PHACTR1: variants seen among roughly 807,000 people sequenced by gnomAD.
The protein encoded by PHACTR1 is phosphatase and actin regulator 1, also known as RPEL repeat containing 1.
A neutral mutation model predicts 69.2 loss-of-function variants in PHACTR1; 16 were observed. The observed-to-expected ratio is 0.23, with a 90% CI of 0.16 to 0.35. The LOEUF is 0.35. Among genes scored for constraint, PHACTR1 ranks in the 10% least tolerant of loss-of-function variants. The pLI is 1.00. For missense variants in PHACTR1, 510 were observed against 734.7 expected, an observed-to-expected ratio of 0.69 and a Z score of 3.54; for synonymous variants, 312 against 284.5, an observed-to-expected ratio of 1.10 and a Z score of -0.97.
chr6:13,059,484 ACACACACAC>A (rs1240023016), intron 5 of PHACTR1, among the ~76,000 whole-genome samples: 1 of 151,736 alleles, frequency 6.6e-6, no homozygotes, highest in Non-Finnish European at 1.5e-5. Context: ...ACACACACAC[ACACACACAC>A]AAAACCCACA....
intron 4 of PHACTR1, among the ~76,000 whole-genome samples, chr6:12,978,663 G>A (rs113224758): frequency 2.6e-5 from 4 of 152,192 alleles, no homozygotes; most frequent in African/African-American, 7.2e-5. Flanking sequence ...CAATAGTCAC[G>A]TATGTCTTAT....
At chr6:13,208,636 C>CCCCA (rs1042038842) in intron 8 of PHACTR1, among the ~76,000 whole-genome samples, 11 of 151,096 alleles carry the variant, frequency 7.3e-5, no homozygotes, top group East Asian at 1.9e-4. Context: ...TGCCCACCCC[C>CCCCA]CCAACCCCAT....
intron 3 of PHACTR1, among the ~76,000 whole-genome samples, chr6:12,719,880 T>C (rs1761884299): frequency 6.6e-6 from 1 of 152,160 alleles, no homozygotes; most frequent in Non-Finnish European, 1.5e-5. Flanking sequence ...TGCTTTCATT[T>C]CTCAGAGCAT....
At chr6:12,935,097 C>G (rs1789292597) in intron 4 of PHACTR1, among the ~76,000 whole-genome samples, 1 of 152,072 alleles carries the variant, frequency 6.6e-6, no homozygotes, top group Non-Finnish European at 1.5e-5. Flanking sequence ...CTGTGGGGGG[C>G]CATAGCAAAG....
chr6:12,802,353 T>C (rs1048192865), intron 4 of PHACTR1, among the ~76,000 whole-genome samples: 4 of 151,990 alleles, frequency 2.6e-5, no homozygotes, highest in Non-Finnish European at 5.9e-5. Flanking sequence ...AAAGGAACAG[T>C]CTTAGGAACA....
At chr6:12,912,339 C>A (rs991200287) in intron 4 of PHACTR1, among the ~76,000 whole-genome samples, 1 of 152,124 alleles carries the variant, frequency 6.6e-6, no homozygotes, top group African/African-American at 2.4e-5. Context: ...AAGGGTAGGC[C>A]CCCAGGGGAC....
chr6:13,077,039 T>TA (rs1810598285), intron 5 of PHACTR1, among the ~76,000 whole-genome samples: 1 of 150,434 alleles, frequency 6.6e-6, no homozygotes, highest in Non-Finnish European at 1.5e-5. Flanking sequence ...CATGTATACA[T>TA]ATGTAACTAA....
chr6:12,877,333 C>A (rs1469120031), intron 4 of PHACTR1, among the ~76,000 whole-genome samples: 2 of 152,166 alleles, frequency 1.3e-5, no homozygotes, highest in South Asian at 2.1e-4. Context: ...CCATTGCCTT[C>A]TGAAGGTCAG....
chr6:13,255,483 T>C (rs1775052683), intron 10 of PHACTR1, among the ~76,000 whole-genome samples: 2 of 152,206 alleles, frequency 1.3e-5, no homozygotes, highest in Non-Finnish European at 2.9e-5. Context: ...TCTTCACTCA[T>C]TCCAACATTA....
chr6:12,990,901 CATCT>C (rs1796750256), intron 4 of PHACTR1, among the ~76,000 whole-genome samples: 1 of 152,122 alleles, frequency 6.6e-6, no homozygotes, highest in Admixed American at 6.5e-5. Context: ...AGTTAAGCCA[CATCT>C]ATCTATAGTC....
chr6:13,109,907 G>C (rs1246225616), intron 5 of PHACTR1, among the ~76,000 whole-genome samples: 1 of 151,142 alleles, frequency 6.6e-6, no homozygotes, highest in Non-Finnish European at 1.5e-5. Flanking sequence ...GTGTCTTCAA[G>C]TTCGCTGATC....
intron 4 of PHACTR1, among the ~76,000 whole-genome samples, chr6:13,039,995 A>G (rs534186704): frequency 6.6e-6 from 1 of 152,298 alleles, no homozygotes; most frequent in South Asian, 2.1e-4. Context: ...ATTATCTTTC[A>G]TTATATACAT....
intron 4 of PHACTR1, among the ~76,000 whole-genome samples, chr6:13,052,762 A>G (rs1806147249): frequency 6.6e-6 from 1 of 152,190 alleles, no homozygotes; most frequent in Admixed American, 6.5e-5. Flanking sequence ...TAGTGGAATT[A>G]AGACAATTGT....
intron 10 of PHACTR1, among the ~76,000 whole-genome samples, chr6:13,257,178 A>C (rs536653224): frequency 1.3e-5 from 2 of 152,098 alleles, no homozygotes. Context: ...TGGCAGGAGC[A>C]GGAGCAAGAG....
At chr6:12,888,644 C>A (rs997177363) in intron 4 of PHACTR1, among the ~76,000 whole-genome samples, 1 of 152,108 alleles carries the variant, frequency 6.6e-6, no homozygotes, top group African/African-American at 2.4e-5. Flanking sequence ...ATGTTTTGCA[C>A]TCTAAGAAAG....
chr6:13,039,629 C>T (rs1162216865), intron 4 of PHACTR1, among the ~76,000 whole-genome samples: 3 of 152,158 alleles, frequency 2.0e-5, no homozygotes, highest in Non-Finnish European at 1.5e-5. Context: ...CCCACCTGGT[C>T]CTCACAATTC....
intron 4 of PHACTR1, among the ~76,000 whole-genome samples, chr6:12,904,085 T>C (rs1785473015): frequency 6.6e-6 from 1 of 152,232 alleles, no homozygotes; most frequent in African/African-American, 2.4e-5. Context: ...TTCTTTTACA[T>C]ATCTCCAGCA....
intron 4 of PHACTR1, among the ~76,000 whole-genome samples, chr6:12,771,454 C>G (rs1357210953): frequency 6.6e-6 from 1 of 152,092 alleles, no homozygotes; most frequent in Non-Finnish European, 1.5e-5. Context: ...TTCAAGCAGG[C>G]AGTGAATACA....
chr6:13,018,255 A>G (rs1296590287), intron 4 of PHACTR1, among the ~76,000 whole-genome samples: 1 of 152,184 alleles, frequency 6.6e-6, no homozygotes, highest in Non-Finnish European at 1.5e-5. Flanking sequence ...TGAGCAGTCT[A>G]CCGAGGTCGA....
Sources: allele counts gnomAD v4.1 joint callset (sites outside exome capture counted in the v4.1 genomes callset), GRCh38; gene constraint gnomAD v4.1.1; transcripts MANE v1.5; gene names NCBI Gene and HGNC (gene_info 2026-07-23, HGNC 2026-07-21).